SLC35F4: variants seen among roughly 807,000 people sequenced by gnomAD.
The protein encoded by SLC35F4 is chromosome 14 open reading frame 36.
SLC35F4 carries 24 observed loss-of-function variants against 44.2 expected under a neutral mutation model. The observed-to-expected ratio is 0.54, with a 90% CI of 0.39 to 0.76. SLC35F4 has a LOEUF of 0.76. Among genes scored for constraint, SLC35F4 ranks in the 30% least tolerant of loss-of-function variants. The pLI, the probability that SLC35F4 is intolerant of heterozygous loss-of-function variation, is 0.00. For missense variants in SLC35F4, 562 were observed against 586.1 expected (o/e 0.96, Z 0.42); for synonymous variants, 238 against 223.6 (o/e 1.06, Z -0.57).
At chr14:57,687,215 C>T (rs1594796257) in intron 1 of SLC35F4, among the ~76,000 whole-genome samples, 1 of 152,086 alleles carries the variant, frequency 6.6e-6, no homozygotes, top group African/African-American at 2.4e-5. Context: ...GTAATGGCAG[C>T]CCTAGAAGAC....
chr14:57,671,177 C>T (rs887693521), intron 1 of SLC35F4, among the ~76,000 whole-genome samples: 2 of 152,096 alleles, frequency 1.3e-5, no homozygotes, highest in Non-Finnish European at 2.9e-5. Context: ...TGCCCATCCT[C>T]CAGCACCTGT....
At chr14:57,628,509 C>T (rs1282938898) in intron 1 of SLC35F4, among the ~76,000 whole-genome samples, 1 of 142,838 alleles carries the variant, frequency 7.0e-6, no homozygotes, top group African/African-American at 2.6e-5. Context: ...CATGTGTTCT[C>T]ATTGTTAAAC....
At chr14:57,684,503 C>T (rs1040868300) in intron 1 of SLC35F4, among the ~76,000 whole-genome samples, 3 of 152,256 alleles carry the variant, frequency 2.0e-5, no homozygotes, top group Admixed American at 1.3e-4. Flanking sequence ...AATCTAATGC[C>T]GCCACTCATC....
At chr14:57,584,461 C>T (rs1297611641) in intron 3 of SLC35F4, among the ~76,000 whole-genome samples, 2 of 152,050 alleles carry the variant, frequency 1.3e-5, no homozygotes, top group South Asian at 4.1e-4. Flanking sequence ...AACTTCTTGG[C>T]AGATGGTATT....
intron 1 of SLC35F4, among the ~76,000 whole-genome samples, chr14:57,645,487 G>C (rs2073461659): frequency 6.6e-6 from 1 of 152,076 alleles, no homozygotes; most frequent in Non-Finnish European, 1.5e-5. Context: ...CTGAGACTTT[G>C]CTGAAGTTGC....
At chr14:57,594,923 T>A (rs1432767177) in intron 1 of SLC35F4, among the ~76,000 whole-genome samples, 1 of 152,160 alleles carries the variant, frequency 6.6e-6, no homozygotes, top group Non-Finnish European at 1.5e-5. Context: ...TCACATAGGG[T>A]GCTGTGCTGA....
At chr14:57,580,810 C>G (rs1418138405) in intron 4 of SLC35F4, among the ~76,000 whole-genome samples, 1 of 151,998 alleles carries the variant, frequency 6.6e-6, no homozygotes, top group Non-Finnish European at 1.5e-5. Flanking sequence ...TTAAGTCCAT[C>G]TGGTGGGGGG....
chr14:57,600,713 A>AAAAC lies in SLC35F4; in HGVS notation c.104-6590_104-6589insGTTT, dbSNP rs2070773744. On this transcript the variant is annotated intron_variant, in intron 1 of 7. Transcript: ENST00000556826. Reference sequence around the variant, plus strand: ...TCTCAAAAAAAAAAAAAAAAAAAAAAAAAAAACCAAAAAGATAAAATATCA... The same window carrying AAAAC: ...TCTCAAAAAAAAAAAAAAAAAAAAAAAAACAAAAAACCAAAAAGATAAAATATCA... Among the ~76,000 whole-genome samples, 7 of 122,262 alleles carry AAAAC rather than the reference A, an allele frequency of 5.7e-5. 1 individual carries two copies. The highest frequency in any genetic ancestry group is 1.7e-4 in the Admixed American group (2 of 12,018). 80.2% of individuals were successfully genotyped at this position (122,262 alleles called of 152,430 possible).
At chr14:57,926,663 T>C (rs1167164859) in intron 1 of SLC35F4, among the ~76,000 whole-genome samples, 1 of 147,968 alleles carries the variant, frequency 6.8e-6, no homozygotes, top group Non-Finnish European at 1.5e-5. Flanking sequence ...ATGATTTCCT[T>C]CTTTGGGGAA....
intron 1 of SLC35F4, among the ~76,000 whole-genome samples, chr14:57,776,451 G>C (rs2077489421): frequency 6.6e-6 from 1 of 152,032 alleles, no homozygotes; most frequent in Non-Finnish European, 1.5e-5. Context: ...CGGATCACGA[G>C]GTCAGGAGAT....
chr14:57,677,376 CA>C (rs1303512816), intron 1 of SLC35F4, among the ~76,000 whole-genome samples: 3 of 150,496 alleles, frequency 2.0e-5, no homozygotes, highest in African/African-American at 7.4e-5. Context: ...TCCATGTAAC[CA>C]AAAACCTTCT....
intron 1 of SLC35F4, among the ~76,000 whole-genome samples, chr14:57,729,246 G>A (rs1233884986): frequency 6.6e-6 from 1 of 152,098 alleles, no homozygotes; most frequent in Non-Finnish European, 1.5e-5. Flanking sequence ...GGCTGAGCTG[G>A]TATTTGGAGT....
intron 1 of SLC35F4, among the ~76,000 whole-genome samples, chr14:57,822,834 T>G (rs1883318596): frequency 6.6e-6 from 1 of 152,150 alleles, no homozygotes; most frequent in Non-Finnish European, 1.5e-5. Context: ...CTTTCTCCTC[T>G]TATGTCACAT....
At chr14:57,865,627 T>G in intron 1 of SLC35F4, 96 bp downstream of exon 1, 1 of 1,007,424 alleles carries the variant, frequency 9.9e-7, no homozygotes, top group South Asian at 1.7e-5. Flanking sequence ...GCTGCAGGTG[T>G]CCGTACCGCG....
intron 1 of SLC35F4, among the ~76,000 whole-genome samples, chr14:57,735,300 T>A (rs892174154): frequency 3.9e-5 from 6 of 152,244 alleles, no homozygotes; most frequent in African/African-American, 1.2e-4. Context: ...GCATTTCAGT[T>A]AGCCTGTGCT....
chr14:57,835,498 A>C (rs1884826166), intron 1 of SLC35F4, among the ~76,000 whole-genome samples: 1 of 152,196 alleles, frequency 6.6e-6, no homozygotes, highest in African/African-American at 2.4e-5. Context: ...TTTGCTTTTC[A>C]CATCCTCTCC....
At chr14:57,837,275 G>T (rs968273736) in intron 1 of SLC35F4, 2 of 152,164 alleles carry the variant, frequency 1.3e-5, no homozygotes, top group Admixed American at 6.5e-5. Flanking sequence ...AATCATCAAA[G>T]AATTTAGGGC....
At chr14:57,920,671 C>T (rs1211258294) in intron 1 of SLC35F4, among the ~76,000 whole-genome samples, 1 of 152,208 alleles carries the variant, frequency 6.6e-6, no homozygotes, top group Non-Finnish European at 1.5e-5. Context: ...ACATTTCTCC[C>T]CCTAACTAAT....
At chr14:57,880,985 T>A (rs1277778379) in intron 1 of SLC35F4, among the ~76,000 whole-genome samples, 1 of 152,068 alleles carries the variant, frequency 6.6e-6, no homozygotes, top group East Asian at 1.9e-4. Context: ...TAATCAGAGA[T>A]TTGTTTGTTT....
Sources: allele counts gnomAD v4.1 joint callset (sites outside exome capture counted in the v4.1 genomes callset), GRCh38; gene constraint gnomAD v4.1.1; transcripts MANE v1.5; gene names NCBI Gene and HGNC (gene_info 2026-07-23, HGNC 2026-07-21).